The following ARMC8 variants were observed in gnomAD, a reference collection of about 807,000 sequenced individuals.
The protein encoded by ARMC8 is armadillo repeat containing 8.
ARMC8 carries 20 observed loss-of-function variants against 99.3 expected under a neutral mutation model. The observed-to-expected ratio is 0.20, with a 90% CI of 0.14 to 0.29. ARMC8 has a LOEUF of 0.29. Among genes scored for constraint, ARMC8 ranks in the 10% least tolerant of loss-of-function variants. The pLI is 1.00. For synonymous variants in ARMC8, 263 were observed against 278.3 expected (o/e 0.95, Z 0.55); for missense variants, 569 against 809.5 (o/e 0.70, Z 3.60).
intron 18 of ARMC8, among the ~76,000 whole-genome samples, chr3:138,277,711 T>G (rs2049440043): frequency 6.6e-6 from 1 of 152,234 alleles, no homozygotes; most frequent in Admixed American, 6.5e-5. Context: ...TACAGTCATT[T>G]TGGAAATGGT....
At chr3:138,196,091 T>G (rs1195012511) in intron 1 of ARMC8, among the ~76,000 whole-genome samples, 3 of 152,218 alleles carry the variant, frequency 2.0e-5, no homozygotes, top group Admixed American at 6.5e-5. Flanking sequence ...AACACATGCT[T>G]CTTTTGCCTT....
intron 12 of ARMC8, among the ~76,000 whole-genome samples, chr3:138,248,377 C>T (rs1023882730): frequency 6.6e-6 from 1 of 152,202 alleles, no homozygotes; most frequent in Non-Finnish European, 1.5e-5. Context: ...GCAGTAACTG[C>T]AATGACAGCA....
chr3:138,229,467 A>G lies in ARMC8; in HGVS notation c.528+457A>G, dbSNP rs532259302. Among the ~76,000 whole-genome samples, 6 of 151,656 alleles carry G rather than the reference A, an allele frequency of 4.0e-5. No individual in the cohort carries two copies. In the South Asian group the frequency reaches 1.2e-3, roughly 32 times the overall value. On this transcript the variant is annotated intron_variant, in intron 6 of 21. Coordinates refer to ENST00000469044, the MANE Select transcript of ARMC8 (RefSeq NM_001363941.2). ...AACAGTGCTGCAAAAAATACCTTGT[A>G]TATGAGGCATTTTATAAGAAATAAA... is the stretch of plus-strand genomic sequence containing the variant.
Position 138,264,674 on chromosome 3 carries a change from C to T in ARMC8, c.1299+462C>T, listed in dbSNP as rs538110377. Among the ~76,000 whole-genome samples, 18 of 151,862 alleles carry T rather than the reference C, an allele frequency of 1.2e-4. No homozygotes were observed. In the South Asian group the frequency reaches 2.3e-3, roughly 19 times the overall value. On this transcript the variant is annotated intron_variant, in intron 14 of 21. Transcript: ENST00000469044. ...ACCACGTGATCTGCCCGCCTCGGCC[C>T]TCCAAAGTGCTGGGATTACAGGCAT...
chr3:138,225,130 G>T (rs62280653), intron 5 of ARMC8, among the ~76,000 whole-genome samples: 1 of 86,538 alleles, frequency 1.2e-5, no homozygotes, highest in Non-Finnish European at 2.3e-5. Context: ...TTTTTTTTTG[G>T]AGACGGTGTC....
intron 2 of ARMC8, among the ~76,000 whole-genome samples, chr3:138,221,016 A>G (rs1222261767): frequency 1.3e-5 from 2 of 151,998 alleles, no homozygotes; most frequent in Admixed American, 1.3e-4. Flanking sequence ...ACATTTTATT[A>G]GTAGTACTGG....
chr3:138,244,619 C>T (rs2046796160), intron 11 of ARMC8, among the ~76,000 whole-genome samples: 1 of 152,206 alleles, frequency 6.6e-6, no homozygotes. Flanking sequence ...CAGCACTACT[C>T]TTAATGTTTC....
At chr3:138,271,557 T>G (rs2048788632) in intron 16 of ARMC8, among the ~76,000 whole-genome samples, 1 of 152,200 alleles carries the variant, frequency 6.6e-6, no homozygotes, top group Admixed American at 6.5e-5. Flanking sequence ...GTACAAACTA[T>G]CTTATTCTCG....
At chr3:138,285,237 T>C (rs1369760201) in intron 19 of ARMC8, among the ~76,000 whole-genome samples, 1 of 152,188 alleles carries the variant, frequency 6.6e-6, no homozygotes, top group African/African-American at 2.4e-5. Context: ...CCTCATTCTT[T>C]AGACCTCACC....
chr3:138,198,885 A>G (rs2043894401), intron 1 of ARMC8, among the ~76,000 whole-genome samples: 1 of 152,002 alleles, frequency 6.6e-6, no homozygotes, highest in African/African-American at 2.4e-5. Flanking sequence ...ATTTTTGATA[A>G]CGTGAAGTCT....
intron 1 of ARMC8, among the ~76,000 whole-genome samples, chr3:138,191,004 G>A (rs1425571146): frequency 6.6e-6 from 1 of 152,218 alleles, no homozygotes; most frequent in African/African-American, 2.4e-5. Flanking sequence ...AAGAAGTGAT[G>A]CTGAGCTGAA....
At position 138,289,120 on chromosome 3, in the gene ARMC8, G is replaced by C; in HGVS notation, c.1894G>C (p.Gly632Arg). Residue 632 changes from glycine to arginine, a missense_variant and splice_region_variant, in exon 20 of 22, where the codon GGT (glycine) becomes CGT (arginine). Transcript: ENST00000469044. ...ISNLIWNEEE[G>R]SQERQDKLRD... ...AAACCTCATATGGAATGAAGAGGAA[G>C]GTAAGAGATTGGTGAGATTTGTTTT... 6.2e-7 allele frequency: 1 copy of C among 1,611,498 alleles called. No individual in the cohort carries two copies. Among genetic ancestry groups the C allele is most frequent in the Non-Finnish European group, 8.5e-7 (1 of 1,178,266 alleles).
chr3:138,247,861 A>G (rs1382390884), intron 12 of ARMC8, among the ~76,000 whole-genome samples: 1 of 152,198 alleles, frequency 6.6e-6, no homozygotes, highest in African/African-American at 2.4e-5. Context: ...ATTCCCACTA[A>G]AATAAACCAA....
At chr3:138,241,285 T>C (rs1386121437) in intron 10 of ARMC8, among the ~76,000 whole-genome samples, 1 of 152,202 alleles carries the variant, frequency 6.6e-6, no homozygotes. Flanking sequence ...ACTGCAGTTT[T>C]AAAGCTGTAT....
rs71146118 is a variant in ARMC8, at chr3:138,205,060, C to CTTTTTTTTTTTT, written c.46-4742_46-4731dup. 7.9e-4 allele frequency among the ~76,000 whole-genome samples: 74 copies of CTTTTTTTTTTTT among 93,226 alleles called. 6 individuals are homozygous for CTTTTTTTTTTTT. The highest frequency in any genetic ancestry group is 2.7e-3 in the African/African-American group (61 of 22,582). The allele number at this position is 93,226 out of a possible 152,430, so 61.2% of individuals were successfully genotyped here. On this transcript the variant is annotated intron_variant, in intron 1 of 21. Transcript: ENST00000469044. The stretch of plus-strand genomic sequence containing the variant: ...AACTCAGTCTCTTTTCTTTTCTTTT[C>CTTTTTTTTTTTT]TTTTTTTTTTTTTTTTTTTTTTTTT...
chr3:138,192,453 AT>A (rs1180330703), intron 1 of ARMC8, among the ~76,000 whole-genome samples: 3 of 151,056 alleles, frequency 2.0e-5, no homozygotes, highest in Non-Finnish European at 3.0e-5. Context: ...AATTTTTTAT[AT>A]TTTTAGTAGA....
chr3:138,231,681 C>T (rs1465818276), intron 6 of ARMC8, among the ~76,000 whole-genome samples: 2 of 151,904 alleles, frequency 1.3e-5, no homozygotes, highest in African/African-American at 4.8e-5. Context: ...CTTTGGGAGG[C>T]TGAGAGGATC....
At chr3:138,249,527 A>G (rs1429858110) in intron 12 of ARMC8, among the ~76,000 whole-genome samples, 2 of 152,074 alleles carry the variant, frequency 1.3e-5, no homozygotes, top group Non-Finnish European at 2.9e-5. Flanking sequence ...AGTTTGTATC[A>G]TTCACACGTG....
At chr3:138,257,876 C>T (rs1238756558) in intron 12 of ARMC8, among the ~76,000 whole-genome samples, 1 of 152,102 alleles carries the variant, frequency 6.6e-6, no homozygotes, top group Non-Finnish European at 1.5e-5. Context: ...GTGCTGCACC[C>T]TGCTTGGCTG....
Sources: gnomAD v4.1 joint callset for allele counts (sites outside exome capture counted in the v4.1 genomes callset) on GRCh38, gnomAD v4.1.1 for gene constraint, MANE v1.5 for transcripts, NCBI Gene and HGNC (gene_info 2026-07-23, HGNC 2026-07-21) for gene names.